PLCD4: variants seen among roughly 807,000 people sequenced by gnomAD.
PLCD4 encodes 1-phosphatidylinositol 4,5-bisphosphate phosphodiesterase delta-4.
In PLCD4, 63 loss-of-function variants were observed where a neutral mutation model predicts 90.2. That is an observed-to-expected ratio of 0.70 (90% CI 0.57 to 0.86). The LOEUF (loss-of-function observed/expected upper bound fraction) is 0.86. PLCD4 is among the 40% of genes least tolerant of loss of function. PLCD4 has a pLI of 0.00. For missense variants in PLCD4, 830 were observed against 956.3 expected, an observed-to-expected ratio of 0.87 and a Z score of 1.74; for synonymous variants, 294 against 356.5, an observed-to-expected ratio of 0.82 and a Z score of 1.97.
Position 218,618,799 on chromosome 2 carries a change from C to T in PLCD4, c.402C>T (p.Arg134=). The T allele has an allele frequency of 6.3e-7, 1 of 1,588,136 alleles. No homozygotes were observed. Among genetic ancestry groups the T allele is most frequent in the Non-Finnish European group, 8.6e-7 (1 of 1,166,924 alleles). ...TCACCAGCATGGACCATCAGGAGCG[C>T]CTGGACCAGTATCGGCAGGATGGAG... The part of the protein sequence containing the change: ...DLVTSMDHQE[R]LDQWLSDWFQ... Residue 134 remains arginine, a synonymous_variant, in exon 4 of 16, where the codon CGC becomes CGT. Coordinates refer to ENST00000450993, the MANE Select transcript of PLCD4 (RefSeq NM_032726.4).
intron 9 of PLCD4, among the ~76,000 whole-genome samples, chr2:218,631,641 A>C (rs1696373211): frequency 6.6e-6 from 1 of 151,954 alleles, no homozygotes; most frequent in Non-Finnish European, 1.5e-5. Flanking sequence ...CTAAAAATAC[A>C]AATTAGCTGG....
chr2:218,608,898 G>T (rs1695205137), intron 1 of PLCD4, among the ~76,000 whole-genome samples: 1 of 151,984 alleles, frequency 6.6e-6, no homozygotes. Flanking sequence ...CAGCACTTTG[G>T]GAGGCCGAGG....
chr2:218,614,496 C>A (rs967559846), intron 1 of PLCD4, among the ~76,000 whole-genome samples: 1 of 150,828 alleles, frequency 6.6e-6, no homozygotes, highest in Non-Finnish European at 1.5e-5. Context: ...GTCGCCCAGG[C>A]TGGAGTGCAT....
chr2:218,618,489 T>C (rs1384097554), intron 3 of PLCD4, 90 bp from the exon 4 acceptor site: 1 of 1,143,408 alleles, frequency 8.7e-7, no homozygotes, highest in African/African-American at 1.5e-5. Context: ...TATGGTGTCA[T>C]GGAGAAGGGG....
Position 218,625,935 on chromosome 2 carries a change from AAAAC to A in PLCD4, c.773-2089_773-2086del, listed in dbSNP as rs1173354645. Among the ~76,000 whole-genome samples, 5 of 152,046 alleles carry A rather than the reference AAAAC, an allele frequency of 3.3e-5. No homozygotes were observed. The East Asian group carries it at 7.7e-4, about 24-fold the overall frequency. Reference sequence around the variant, plus strand: ...GGTGACAGAGCGAGACTCCATCTCAAAAACAAACCAACCAACCAACAAACAAACA... The same window carrying A: ...GGTGACAGAGCGAGACTCCATCTCAAAAACCAACCAACCAACAAACAAACA... On this transcript the variant is annotated intron_variant, in intron 6 of 15. Transcript: ENST00000450993.
intron 2 of PLCD4, 38 bp from the exon 3 acceptor site, chr2:218,615,866 C>G (rs368734341): frequency 5.6e-6 from 9 of 1,611,390 alleles, no homozygotes; most frequent in Non-Finnish European, 7.6e-6. Context: ...CTGCTACCCT[C>G]TCTGCTGGCT....
rs971798350 is a variant in PLCD4 at position 218,637,014 on chromosome 2, A to T, written c.*437A>T. 2.3e-6 allele frequency: 1 copy of T among 434,740 alleles called. No homozygotes were observed. Among genetic ancestry groups the T allele is most frequent in the African/African-American group, 2.0e-5 (1 of 49,220 alleles). 26.9% of individuals were successfully genotyped at this position (434,740 alleles called of 1,614,324 possible). ...CTTCCTCAAAGCCCAAAGCCAAGGG[A>T]AGGATAAATCAAGGCTCAAGGCTTC... is the stretch of plus-strand genomic sequence containing the variant. On this transcript the variant is annotated 3_prime_UTR_variant, in exon 16 of 16. Coordinates refer to ENST00000450993, the MANE Select transcript of PLCD4 (RefSeq NM_032726.4).
intron 3 of PLCD4, among the ~76,000 whole-genome samples, chr2:218,617,944 G>A (rs576214072): frequency 3.9e-5 from 6 of 152,122 alleles, no homozygotes; most frequent in East Asian, 1.9e-4. Context: ...AAAATTAGCC[G>A]GGCATGGTGG....
At chr2:218,636,074 T>A in intron 14 of PLCD4, 143 bp downstream of exon 14, 3 of 1,446,994 alleles carry the variant, frequency 2.1e-6, no homozygotes, top group Non-Finnish European at 2.8e-6. Context: ...ATCCTGGCTC[T>A]TCACTTAAAA....
At chr2:218,614,476 G>A (rs1695491071) in intron 1 of PLCD4, among the ~76,000 whole-genome samples, 1 of 144,816 alleles carries the variant, frequency 6.9e-6, no homozygotes, top group Admixed American at 6.9e-5. Context: ...TTGAGACAGA[G>A]TCTCGCTGTG....
chr2:218,636,292 T>C lies in PLCD4; in HGVS notation c.2082T>C (p.Pro694=), dbSNP rs1696743089. 1 of 1,613,938 alleles carries C rather than the reference T, an allele frequency of 6.2e-7. No homozygotes were observed. ...CACTATGTTTCCGGGTGCTGGTGCC[T>C]GAACTTGCCATGCTGCGTTTTGTGG... ...GQTLCFRVLV[P]ELAMLRFVVM... is the part of the protein sequence containing the mutation. Residue 694 remains proline, a synonymous_variant, in exon 15 of 16, where the codon CCT becomes CCC. Transcript: ENST00000450993.
intron 4 of PLCD4, among the ~76,000 whole-genome samples, chr2:218,619,211 C>T (rs1443403735): frequency 1.3e-5 from 2 of 151,994 alleles, no homozygotes; most frequent in African/African-American, 4.8e-5. Context: ...TTTATTCATT[C>T]ATTCATGATC....
In PLCD4 at chr2:218,633,643, G is replaced by A. The variant is rs1696524859; in HGVS notation, c.1488G>A (p.Leu496=). The A allele has an allele frequency of 6.2e-7, 1 of 1,613,480 alleles. No individual in the cohort carries two copies. Among genetic ancestry groups the A allele is most frequent in the East Asian group, 2.2e-5 (1 of 44,888 alleles). The change falls in exon 11 of 16, where the codon CTG becomes CTA. Residue 496 remains leucine (L), a synonymous_variant. Transcript: ENST00000450993. ...TCTTGTGTCCAGCCCTCTCTTCCCT[G>A]GTTATCTACTTGAAGTCTGTCTCAT... The part of the protein sequence containing the change: ...KPILCPALSS[L]VIYLKSVSFR...
intron 6 of PLCD4, among the ~76,000 whole-genome samples, chr2:218,624,969 G>A (rs1320578750): frequency 2.0e-5 from 3 of 151,572 alleles, no homozygotes; most frequent in South Asian, 2.1e-4. Context: ...AAAATTAGCC[G>A]GGTATGGTGG....
At chr2:218,629,488 C>T (rs1373068601) in intron 7 of PLCD4, 31 bp from the exon 8 acceptor site, 3 of 1,609,364 alleles carry the variant, frequency 1.9e-6, no homozygotes, top group South Asian at 2.2e-5. Context: ...TTGACCTCTC[C>T]TATTTCTCGG....
At position 218,628,771 on chromosome 2, in the gene PLCD4, A is replaced by G. The variant is rs11688996; in HGVS notation, c.974+541A>G. 845 of 154,602 alleles carry G rather than the reference A, an allele frequency of 5.5e-3. 5 individuals carry two copies. The highest frequency in any genetic ancestry group is 0.041 in the Middle Eastern group (12 of 294). 9.6% of individuals were successfully genotyped at this position (154,602 alleles called of 1,614,324 possible). On this transcript the variant is annotated intron_variant, in intron 7 of 15. Coordinates refer to ENST00000450993, the MANE Select transcript of PLCD4 (RefSeq NM_032726.4). ...TCATGGATTAGATTGAATAGTCAAG[A>G]TATCTTTCTATTACCAGCAACTGAA... is the stretch of plus-strand genomic sequence containing the variant.
Position 218,635,798 on chromosome 2 carries a change from G to C in PLCD4, c.1899G>C (p.Val633=), listed in dbSNP as rs1411062473. Residue 633 remains valine (V), a splice_region_variant and synonymous_variant, in exon 14 of 16, where the codon GTG becomes GTC. Transcript: ENST00000450993. ...PFKAQTLLIQ[V]ISGQQLPKVD... is the part of the protein sequence containing the mutation. ...AGATTCCAGAGCCCTGACTACAGGT[G>C]ATCAGCGGTCAGCAACTCCCCAAAG... The C allele has an allele frequency of 6.2e-7, 1 of 1,611,890 alleles. No homozygotes were observed. The highest frequency in any genetic ancestry group is 1.1e-5 in the South Asian group (1 of 90,518).
chr2:218,616,962 A>AGAGAGAGAT (rs1695637426), intron 3 of PLCD4, among the ~76,000 whole-genome samples: 2 of 102,374 alleles, frequency 2.0e-5, no homozygotes, highest in African/African-American at 6.7e-5. Context: ...AGAGAGAGAG[A>AGAGAGAGAT]GAGAGAGAGA....
rs751145308 is a variant in PLCD4 at position 218,622,811 on chromosome 2, G to A, written c.705G>A (p.Gln235=). The A allele has an allele frequency of 6.2e-7, 1 of 1,614,030 alleles. No individual in the cohort carries two copies. Among genetic ancestry groups the A allele is most frequent in the Admixed American group, 1.7e-5 (1 of 60,030 alleles). The change falls in exon 6 of 16, where the codon CAG becomes CAA. Residue 235 remains glutamine (Q), a synonymous_variant. Transcript: ENST00000450993. ...TTTTGGATTTCCTCCAAGAGGAGCA[G>A]AAGGAGAGAGACTGCACCTCTGAGC... is the stretch of plus-strand genomic sequence containing the variant. ...LEFLDFLQEE[Q]KERDCTSELA...
Sources: gnomAD v4.1 joint callset for allele counts (sites outside exome capture counted in the v4.1 genomes callset) on GRCh38, gnomAD v4.1.1 for gene constraint, MANE v1.5 for transcripts, NCBI Gene and HGNC (gene_info 2026-07-23, HGNC 2026-07-21) for gene names.